The following DHRS12 variants were observed in gnomAD, a reference collection of about 807,000 sequenced individuals.
The protein encoded by DHRS12 is dehydrogenase/reductase 12.
Under a neutral mutation model 32.1 loss-of-function variants are expected in DHRS12, and 29 were observed. The ratio of observed to expected loss-of-function variants is 0.90; its 90% confidence interval spans 0.67 to 1.23. The LOEUF (loss-of-function observed/expected upper bound fraction) is 1.23. Among genes scored for constraint, DHRS12 ranks in the 50% most tolerant of loss-of-function variants. The probability of loss-of-function intolerance (pLI) is 0.00; values close to 1 mark genes in which losing one functional copy is unlikely to be tolerated. For synonymous variants in DHRS12, 150 were observed against 135.9 expected, an observed-to-expected ratio of 1.10 and a Z score of -0.72; for missense variants, 330 against 337.2, an observed-to-expected ratio of 0.98 and a Z score of 0.17.
intron 1 of DHRS12, among the ~76,000 whole-genome samples, chr13:51,802,286 TC>T (rs1955798887): frequency 6.6e-6 from 1 of 151,492 alleles, no homozygotes; most frequent in South Asian, 2.1e-4. Flanking sequence ...CAAAGGGCAG[TC>T]CCCAGACAAG....
At chr13:51,762,751 C>CT in the DHRS12 span, 1 of 152,138 alleles carries the variant, frequency 6.6e-6, no homozygotes, top group Non-Finnish European at 1.5e-5. Flanking sequence ...TATTTTTGCT[C>CT]TATTACTTAA....
intron 4 of DHRS12, 119 bp downstream of exon 4, chr13:51,789,892 C>A: frequency 7.4e-7 from 1 of 1,359,866 alleles, no homozygotes; most frequent in Non-Finnish European, 9.5e-7. Flanking sequence ...AAACTTAAAG[C>A]AAACGTCATC....
intron 3 of DHRS12, 149 bp from the exon 4 acceptor site, chr13:51,790,241 C>T (rs888390220): frequency 8.2e-6 from 5 of 612,712 alleles, no homozygotes; most frequent in Middle Eastern, 2.6e-4. Context: ...TACTCCAAAC[C>T]CTTTGCAGGA....
the DHRS12 span, chr13:51,760,052 G>A: frequency 1.8e-5 from 6 of 330,260 alleles, no homozygotes; most frequent in African/African-American, 1.3e-4. Flanking sequence ...CGAAAAATCT[G>A]TGTGGGGTGT....
chr13:51,771,224 T>TGGC, intron 7 of DHRS12: 1 of 1,551,550 alleles, frequency 6.4e-7, no homozygotes, highest in East Asian at 2.4e-5. Context: ...GTGTGTGCTG[T>TGGC]GGCTGCTGCT....
At chr13:51,803,247 C>CA (rs545598059) in intron 1 of DHRS12, among the ~76,000 whole-genome samples, 376 of 152,304 alleles carry the variant, frequency 2.5e-3, no homozygotes, top group Non-Finnish European at 4.3e-3. Flanking sequence ...AGAAGCCTCT[C>CA]AGAGGTGAGA....
chr13:51,790,006 C>T lies in DHRS12; in HGVS notation c.301+5G>A, dbSNP rs761580140. On this transcript the variant is annotated splice_donor_5th_base_variant and intron_variant, in intron 4 of 8. Transcript: ENST00000444610. The stretch of plus-strand genomic sequence containing the variant: ...AAAACAAATAAGAAAACTTCTTGTA[C>T]TTACCCAGAGTATTGGCAGCAAAGT... The T allele has an allele frequency of 3.8e-6, 6 of 1,595,412 alleles. No individual in the cohort carries two copies. Among genetic ancestry groups the T allele is most frequent in the Non-Finnish European group, 5.1e-6 (6 of 1,173,924 alleles).
chr13:51,787,819 A>T (rs1424116498), intron 4 of DHRS12, among the ~76,000 whole-genome samples: 1 of 130,484 alleles, frequency 7.7e-6, no homozygotes, highest in Admixed American at 9.1e-5. Flanking sequence ...TATAATTTAT[A>T]TATTATAAAT....
At chr13:51,772,054 A>C in intron 6 of DHRS12, 143 bp from the exon 7 acceptor site, 1 of 747,766 alleles carries the variant, frequency 1.3e-6, no homozygotes, top group Non-Finnish European at 2.2e-6. Flanking sequence ...CCTCCTCCAA[A>C]ATCAGTCTTT....
chr13:51,782,493 C>G lies in DHRS12; in HGVS notation c.302-5372G>C, dbSNP rs1954761570. On this transcript the variant is annotated intron_variant, in intron 4 of 8. Coordinates refer to ENST00000444610, the MANE Select transcript of DHRS12 (RefSeq NM_001377533.1). The surrounding 1 kb of genome is among the most constrained non-coding windows in gnomAD (Gnocchi z 4.2). ...CCCATGGATGTGGTAGAGGTGCGCTCTCCAGAACCAGGAATATCAGGGTCA... is the reference window on the plus strand; with the variant it reads ...CCCATGGATGTGGTAGAGGTGCGCTGTCCAGAACCAGGAATATCAGGGTCA... 6.6e-6 allele frequency among the ~76,000 whole-genome samples: 1 copy of G among 152,178 alleles called. No homozygotes were observed. The highest frequency in any genetic ancestry group is 1.5e-5 in the Non-Finnish European group (1 of 68,042).
downstream of DHRS12, chr13:51,767,905 A>ATGAT (rs1182189158): frequency 1.9e-5 from 19 of 1,012,326 alleles, no homozygotes; most frequent in Non-Finnish European, 2.4e-5. Context: ...TAAGACTGAA[A>ATGAT]TGATGGTTCA....
chr13:51,794,794 T>G (rs1441990573), intron 2 of DHRS12, among the ~76,000 whole-genome samples: 3 of 7,066 alleles, frequency 4.2e-4, no homozygotes, highest in Non-Finnish European at 1.8e-3. Flanking sequence ...AAATAGAAGT[T>G]TTTTTTTTTT....
chr13:51,802,046 A>G (rs952774280), intron 1 of DHRS12, among the ~76,000 whole-genome samples: 1 of 152,078 alleles, frequency 6.6e-6, no homozygotes, highest in African/African-American at 2.4e-5. Context: ...CCTTCCATAC[A>G]AGAATTCCAT....
At chr13:51,773,577 G>A (rs944925741) in intron 6 of DHRS12, among the ~76,000 whole-genome samples, 2 of 152,022 alleles carry the variant, frequency 1.3e-5, no homozygotes, top group Non-Finnish European at 2.9e-5. Context: ...GAGCCTCCGG[G>A]AAGCCAAGAG....
chr13:51,768,144 A>ATCT lies in DHRS12; in HGVS notation c.*40_*42dup. 6.5e-7 allele frequency: 1 copy of ATCT among 1,535,702 alleles called. No individual in the cohort carries two copies. The highest frequency in any genetic ancestry group is 8.7e-7 in the Non-Finnish European group (1 of 1,146,638). ...TGGTCCCTAGACCGCACCTTCTGGT[A>ATCT]TCTTCTAAGGCAATTCTGGTACCGC... On this transcript the variant is annotated 3_prime_UTR_variant, in exon 9 of 9. Coordinates refer to ENST00000444610, the MANE Select transcript of DHRS12 (RefSeq NM_001377533.1).
intron 4 of DHRS12, among the ~76,000 whole-genome samples, chr13:51,780,260 T>C (rs1160654165): frequency 6.6e-6 from 1 of 152,190 alleles, no homozygotes; most frequent in Non-Finnish European, 1.5e-5. Context: ...GGTTAATGGG[T>C]GCTTTTAGTC....
At chr13:51,795,508 G>A (rs1273109794) in intron 2 of DHRS12, among the ~76,000 whole-genome samples, 1 of 152,136 alleles carries the variant, frequency 6.6e-6, no homozygotes, top group Non-Finnish European at 1.5e-5. Context: ...TGTTATTTCA[G>A]TAACATCTAA....
chr13:51,787,084 ACT>A (rs1225780623), intron 4 of DHRS12, among the ~76,000 whole-genome samples: 1 of 152,226 alleles, frequency 6.6e-6, no homozygotes, highest in Non-Finnish European at 1.5e-5. Context: ...TGTGTATTGT[ACT>A]ACTTCCTTCA....
At chr13:51,755,310 G>A in the DHRS12 span, 1 of 1,583,482 alleles carries the variant, frequency 6.3e-7, no homozygotes, top group Non-Finnish European at 8.7e-7. Context: ...GGTTTCCATT[G>A]TCCTGACTGC....
Sources: gnomAD v4.1 joint callset for allele counts (sites outside exome capture counted in the v4.1 genomes callset) on GRCh38, gnomAD v4.1.1 for gene constraint, Gnocchi (gnomAD v3.1) non-coding constraint, MANE v1.5 for transcripts, NCBI Gene and HGNC (gene_info 2026-07-23, HGNC 2026-07-21) for gene names.